The following AKAP19 variants were observed in gnomAD, a reference collection of about 807,000 sequenced individuals.
The protein encoded by AKAP19 is small A-kinase anchoring protein.
chr2:189,963,189 CTTCACT>C, the AKAP19 span, among the ~76,000 whole-genome samples: 1 of 99,786 alleles, frequency 1.0e-5, no homozygotes, highest in Admixed American at 1.4e-4. Flanking sequence ...CATCTTCGGG[CTTCACT>C]TCTCTTTTTT....
the AKAP19 span, among the ~76,000 whole-genome samples, chr2:190,183,463 A>C: frequency 1.3e-5 from 2 of 152,204 alleles, no homozygotes; most frequent in African/African-American, 4.8e-5. Flanking sequence ...TAGTTTAAAA[A>C]TGAATGATTC....
chr2:190,062,430 A>G, the AKAP19 span: 1 of 1,613,480 alleles, frequency 6.2e-7, no homozygotes, highest in Non-Finnish European at 8.5e-7. Context: ...TTGTATCTTA[A>G]TGGCTTCTAT....
the AKAP19 span, among the ~76,000 whole-genome samples, chr2:190,071,297 T>C: frequency 1.3e-5 from 2 of 152,112 alleles, no homozygotes; most frequent in African/African-American, 2.4e-5. Flanking sequence ...AAAATAAAAG[T>C]GAAAAATTTA....
At chr2:190,035,438 A>G in the AKAP19 span, among the ~76,000 whole-genome samples, 71 of 152,246 alleles carry the variant, frequency 4.7e-4, no homozygotes, top group African/African-American at 1.7e-3. Flanking sequence ...CTCAAAAAAA[A>G]AAAAAGATTA....
the AKAP19 span, among the ~76,000 whole-genome samples, chr2:190,046,350 C>T: frequency 6.6e-6 from 1 of 152,110 alleles, no homozygotes; most frequent in Non-Finnish European, 1.5e-5. Flanking sequence ...CTAGAAAACA[C>T]TTTGAACAAT....
the AKAP19 span, among the ~76,000 whole-genome samples, chr2:190,126,105 A>T: frequency 6.6e-6 from 1 of 151,564 alleles, no homozygotes; most frequent in Non-Finnish European, 1.5e-5. Flanking sequence ...ATCCTGGCCA[A>T]CATGATGAAA....
chr2:189,911,409 C>G, the AKAP19 span, among the ~76,000 whole-genome samples: 1 of 151,956 alleles, frequency 6.6e-6, no homozygotes, highest in African/African-American at 2.4e-5. Context: ...TGATCTCTTA[C>G]TTTCCTAAAA....
the AKAP19 span, among the ~76,000 whole-genome samples, chr2:189,891,662 A>C: frequency 6.6e-6 from 1 of 152,044 alleles, no homozygotes. Context: ...GCTGCCCTTA[A>C]CATTTTTTCC....
At chr2:190,159,617 A>G in the AKAP19 span, among the ~76,000 whole-genome samples, 1 of 152,154 alleles carries the variant, frequency 6.6e-6, no homozygotes, top group South Asian at 2.1e-4. Context: ...CTCGTCCCTA[A>G]GGTCCTTGGC....
chr2:190,050,632 G>C, the AKAP19 span, among the ~76,000 whole-genome samples: 2 of 152,148 alleles, frequency 1.3e-5, no homozygotes, highest in Admixed American at 6.6e-5. Flanking sequence ...GATTCTACTT[G>C]TCAGATCAGA....
At chr2:189,927,997 A>C in the AKAP19 span, among the ~76,000 whole-genome samples, 1 of 152,010 alleles carries the variant, frequency 6.6e-6, no homozygotes, top group Non-Finnish European at 1.5e-5. Context: ...GTAAAAGATG[A>C]TTTTTTTCCT....
the AKAP19 span, chr2:190,057,179 T>C: frequency 6.7e-6 from 10 of 1,503,448 alleles, no homozygotes; most frequent in Non-Finnish European, 9.2e-6. Flanking sequence ...TAGCCTGTGG[T>C]ACTTAATTTC....
At chr2:190,150,068 C>T in the AKAP19 span, among the ~76,000 whole-genome samples, 1 of 152,106 alleles carries the variant, frequency 6.6e-6, no homozygotes, top group African/African-American at 2.4e-5. Context: ...TCCCACTGTG[C>T]CCCCTGCAAC....
chr2:189,999,173 T>C, the AKAP19 span, among the ~76,000 whole-genome samples: 2 of 152,130 alleles, frequency 1.3e-5, no homozygotes, highest in Non-Finnish European at 2.9e-5. Flanking sequence ...TTGTAGAAAT[T>C]TAGGTTATGG....
the AKAP19 span, among the ~76,000 whole-genome samples, chr2:190,136,744 A>C: frequency 6.6e-6 from 1 of 152,194 alleles, no homozygotes; most frequent in Admixed American, 6.5e-5. Flanking sequence ...GAAATAGAGA[A>C]ATATTCTTTT....
At chr2:190,107,755 C>T in the AKAP19 span, among the ~76,000 whole-genome samples, 2 of 152,104 alleles carry the variant, frequency 1.3e-5, no homozygotes, top group Non-Finnish European at 2.9e-5. Flanking sequence ...TGCAAAGAAA[C>T]GTAACTAGAC....
chr2:190,087,405 C>T, the AKAP19 span, among the ~76,000 whole-genome samples: 1 of 152,162 alleles, frequency 6.6e-6, no homozygotes, highest in African/African-American at 2.4e-5. Flanking sequence ...ATTGTACAAG[C>T]GCCAGGGTAG....
the AKAP19 span, among the ~76,000 whole-genome samples, chr2:190,002,148 C>T: frequency 6.6e-6 from 1 of 152,218 alleles, no homozygotes; most frequent in Non-Finnish European, 1.5e-5. Flanking sequence ...CTAACGTTCT[C>T]ATCTGAAGTT....
At chr2:190,037,795 A>G in the AKAP19 span, among the ~76,000 whole-genome samples, 1 of 152,188 alleles carries the variant, frequency 6.6e-6, no homozygotes, top group African/African-American at 2.4e-5. Flanking sequence ...TTGAAGAGAT[A>G]TGTCTTTCTT....
Sources: gnomAD v4.1 joint callset for allele counts (sites outside exome capture counted in the v4.1 genomes callset) on GRCh38, gnomAD v4.1.1 for gene constraint, MANE v1.5 for transcripts, NCBI Gene and HGNC (gene_info 2026-07-23, HGNC 2026-07-21) for gene names.